The following EPB41 variants were observed in gnomAD, a reference collection of about 807,000 sequenced individuals.
EPB41 encodes the protein protein 4.1.
Under a neutral mutation model 108.0 loss-of-function variants are expected in EPB41, and 65 were observed. The ratio of observed to expected loss-of-function variants is 0.60; its 90% CI spans 0.49 to 0.74. The LOEUF (loss-of-function observed/expected upper bound fraction) is 0.74. EPB41 is among the 30% of genes least tolerant of loss of function. The probability of loss-of-function intolerance (pLI) is 0.00; values close to 1 mark genes in which losing one functional copy is unlikely to be tolerated. For synonymous variants in EPB41, 336 were observed against 358.9 expected, an observed-to-expected ratio of 0.94 and a Z score of 0.72; for missense variants, 875 against 1,037.0, an observed-to-expected ratio of 0.84 and a Z score of 2.15.
chr1:29,088,191 C>T (rs965790025), intron 16 of EPB41, among the ~76,000 whole-genome samples: 14 of 151,870 alleles, frequency 9.2e-5, no homozygotes, highest in Non-Finnish European at 7.4e-5. Flanking sequence ...GGATTACAGG[C>T]GTGCGCTACC....
chr1:28,945,731 ATATT>A (rs1164054655), intron 1 of EPB41, among the ~76,000 whole-genome samples: 1 of 152,240 alleles, frequency 6.6e-6, no homozygotes, highest in Non-Finnish European at 1.5e-5. Context: ...TAGCCACTGA[ATATT>A]TATTTCTCTT....
At chr1:29,114,636 TAAAAAAAAAAAAA>T (rs62666661) in intron 19 of EPB41, among the ~76,000 whole-genome samples, 1 of 77,744 alleles carries the variant, frequency 1.3e-5, no homozygotes, top group Non-Finnish European at 2.6e-5. Flanking sequence ...AGACTCCGTC[TAAAAAAAAAAAAA>T]AAAAAAAAAA....
At position 29,043,445 on chromosome 1, in the gene EPB41, A is replaced by G. The variant is rs577800404; in HGVS notation, c.1636+4019A>G. 2.5e-4 allele frequency among the ~76,000 whole-genome samples: 38 copies of G among 152,336 alleles called. 1 individual carries two copies. The South Asian group carries it at 7.7e-3, about 31-fold the overall frequency. ...CTTTCTGTGCTGATGGAAATCTTTCATTTTGTGATATCCAGTTCAGCAGCC... is the reference window on the plus strand; with the variant it reads ...CTTTCTGTGCTGATGGAAATCTTTCGTTTTGTGATATCCAGTTCAGCAGCC... On this transcript the variant is annotated intron_variant, in intron 11 of 20. Coordinates refer to ENST00000343067, the MANE Select transcript of EPB41 (RefSeq NM_001376013.1).
intron 1 of EPB41, among the ~76,000 whole-genome samples, chr1:28,941,809 G>T (rs997529339): frequency 1.5e-4 from 22 of 149,356 alleles, no homozygotes; most frequent in African/African-American, 5.2e-4. Flanking sequence ...TGGGAGAATC[G>T]CTTGAACACA....
At chr1:28,947,920 TCA>T (rs1461920216) in intron 1 of EPB41, among the ~76,000 whole-genome samples, 7 of 152,222 alleles carry the variant, frequency 4.6e-5, no homozygotes, top group Non-Finnish European at 8.8e-5. Flanking sequence ...CGAAATTCTT[TCA>T]GTTATGTTAG....
intron 17 of EPB41, 134 bp downstream of exon 17, chr1:29,098,069 G>A (rs1007483677): frequency 4.7e-6 from 6 of 1,277,808 alleles, no homozygotes; most frequent in Non-Finnish European, 6.6e-6. Context: ...AGAGATTACT[G>A]GTCTAAGAAG....
rs182153923 is a variant in EPB41, at chr1:29,053,366, A to G, written c.1845+54A>G. On this transcript the variant is annotated intron_variant, in intron 12 of 20. Coordinates refer to ENST00000343067, the MANE Select transcript of EPB41 (RefSeq NM_001376013.1). ...ACTCACTTTCTGATTTAGAGGCCTTAACTTTTTGACCAGGAACGTTTTCAA... is the reference window on the plus strand; with the variant it reads ...ACTCACTTTCTGATTTAGAGGCCTTGACTTTTTGACCAGGAACGTTTTCAA... 1.1e-5 allele frequency: 17 copies of G among 1,599,650 alleles called. No homozygotes were observed. In the Admixed American group the frequency reaches 2.9e-4, roughly 27 times the overall value.
At chr1:29,114,874 G>A (rs1670385922) in intron 19 of EPB41, among the ~76,000 whole-genome samples, 2 of 151,796 alleles carry the variant, frequency 1.3e-5, no homozygotes, top group Non-Finnish European at 2.9e-5. Flanking sequence ...ATGTACTTAG[G>A]CTAGTGCATG....
At chr1:28,938,430 A>G (rs1485203451) in intron 1 of EPB41, among the ~76,000 whole-genome samples, 1 of 152,096 alleles carries the variant, frequency 6.6e-6, no homozygotes, top group African/African-American at 2.4e-5. Flanking sequence ...TGTTTGTTAA[A>G]TTTATTCCCA....
At chr1:28,889,284 A>G (rs1195254989) in intron 1 of EPB41, among the ~76,000 whole-genome samples, 1 of 152,178 alleles carries the variant, frequency 6.6e-6, no homozygotes, top group African/African-American at 2.4e-5. Flanking sequence ...GGAAGTCCTG[A>G]GGTTTCCGCT....
chr1:28,909,269 C>T (rs974870763), intron 1 of EPB41, among the ~76,000 whole-genome samples: 28 of 151,308 alleles, frequency 1.9e-4, no homozygotes, highest in African/African-American at 6.3e-4. Context: ...CCTATAAAAT[C>T]AGCAATTTCA....
At chr1:28,909,823 T>TAGAC (rs138696574), upstream of EPB41, among the ~76,000 whole-genome samples, 1 of 151,586 alleles carries the variant, frequency 6.6e-6, no homozygotes, top group Non-Finnish European at 1.5e-5. Flanking sequence ...AATAGATAGA[T>TAGAC]AGATAGATAG....
intron 1 of EPB41, among the ~76,000 whole-genome samples, chr1:28,902,781 G>A (rs971134402): frequency 6.6e-6 from 1 of 152,170 alleles, no homozygotes; most frequent in Admixed American, 6.5e-5. Flanking sequence ...TTGAGACTCA[G>A]GAGCCTGAGC....
chr1:28,898,418 C>A (rs1034790444), intron 1 of EPB41, among the ~76,000 whole-genome samples: 10 of 152,146 alleles, frequency 6.6e-5, no homozygotes, highest in African/African-American at 1.4e-4. Context: ...TCCAGTCACT[C>A]ACATACCCTG....
chr1:28,998,738 T>C (rs2096238740), intron 4 of EPB41, among the ~76,000 whole-genome samples: 1 of 152,218 alleles, frequency 6.6e-6, no homozygotes, highest in Non-Finnish European at 1.5e-5. Flanking sequence ...CAAACTAGCT[T>C]GTACTAGTAA....
chr1:29,090,854 C>T (rs1218162501), intron 16 of EPB41, among the ~76,000 whole-genome samples: 1 of 152,134 alleles, frequency 6.6e-6, no homozygotes, highest in African/African-American at 2.4e-5. Flanking sequence ...TGGGAGGATG[C>T]TCAACAAATA....
At chr1:28,916,383 C>G (rs1028799586) in intron 1 of EPB41, among the ~76,000 whole-genome samples, 3 of 152,162 alleles carry the variant, frequency 2.0e-5, no homozygotes, top group Non-Finnish European at 4.4e-5. Flanking sequence ...CGCCTGTAAT[C>G]CCAGCACTTT....
At chr1:29,013,865 A>G (rs780298586) in intron 5 of EPB41, among the ~76,000 whole-genome samples, 1 of 146,788 alleles carries the variant, frequency 6.8e-6, no homozygotes, top group African/African-American at 2.5e-5. Context: ...TAATCACACA[A>G]GTAATATATA....
chr1:29,063,217 T>G (rs1013362132), intron 15 of EPB41, among the ~76,000 whole-genome samples: 1 of 152,224 alleles, frequency 6.6e-6, no homozygotes, highest in Non-Finnish European at 1.5e-5. Context: ...TTCATGCTTT[T>G]CTTTAGCTAC....
Sources: allele counts gnomAD v4.1 joint callset (sites outside exome capture counted in the v4.1 genomes callset), GRCh38; gene constraint gnomAD v4.1.1; transcripts MANE v1.5; gene names NCBI Gene and HGNC (gene_info 2026-07-23, HGNC 2026-07-21).